The following BRINP3 variants were observed in gnomAD, a reference collection of about 807,000 sequenced individuals.
The protein encoded by BRINP3 is BMP/retinoic acid-inducible neural-specific protein 3.
Under a neutral mutation model 71.0 loss-of-function variants are expected in BRINP3, and 19 were observed. That is an observed-to-expected ratio of 0.27 (90% CI 0.19 to 0.39). BRINP3 has a LOEUF of 0.39. Among genes scored for constraint, BRINP3 ranks in the 10% least tolerant of loss-of-function variants. BRINP3 has a pLI of 1.00. For synonymous variants in BRINP3, 380 were observed against 337.7 expected, an observed-to-expected ratio of 1.13 and a Z score of -1.37; for missense variants, 959 against 940.8, an observed-to-expected ratio of 1.02 and a Z score of -0.25.
intron 2 of BRINP3, among the ~76,000 whole-genome samples, chr1:190,291,729 T>C (rs900266212): frequency 6.6e-6 from 1 of 152,126 alleles, no homozygotes; most frequent in Non-Finnish European, 1.5e-5. Context: ...AAACAGCCAT[T>C]GTGGAGAACA....
chr1:190,251,926 T>C (rs1660184140), intron 4 of BRINP3, among the ~76,000 whole-genome samples: 1 of 151,296 alleles, frequency 6.6e-6, no homozygotes, highest in South Asian at 2.1e-4. Context: ...AGTTTTTCTT[T>C]TTATTCAGAC....
At chr1:190,356,434 G>A (rs1209921162) in intron 2 of BRINP3, among the ~76,000 whole-genome samples, 1 of 151,900 alleles carries the variant, frequency 6.6e-6, no homozygotes, top group Non-Finnish European at 1.5e-5. Flanking sequence ...TATTAGAAAG[G>A]TAGATGAACA....
chr1:190,173,471 A>G (rs1307363125), intron 6 of BRINP3, among the ~76,000 whole-genome samples: 5 of 152,178 alleles, frequency 3.3e-5, no homozygotes, highest in Admixed American at 1.3e-4. Context: ...AGGGAGATAC[A>G]TTGGTCTTCA....
chr1:190,210,802 G>T (rs1182750243), intron 6 of BRINP3, among the ~76,000 whole-genome samples: 2 of 152,044 alleles, frequency 1.3e-5, no homozygotes, highest in South Asian at 4.1e-4. Flanking sequence ...CAGCGGACTG[G>T]GAGAGGCAGA....
In BRINP3 at chr1:190,454,723, G is replaced by A; in HGVS notation, c.168C>T (p.Arg56=). 1.9e-6 allele frequency: 3 copies of A among 1,614,154 alleles called. No homozygotes were observed. The South Asian group carries it at 3.3e-5, about 18-fold the overall frequency. Residue 56 remains arginine (R), a synonymous_variant, in exon 2 of 8, where the codon CGC becomes CGT. Coordinates refer to ENST00000367462, the MANE Select transcript of BRINP3 (RefSeq NM_199051.3). ...WLLSDKGPFH[R]SQEYTDFVDR... is the part of the protein sequence containing the mutation. Reference sequence around the variant, plus strand: ...CCACAAAATCTGTGTATTCCTGTGAGCGATGGAAGGGTCCCTTATCAGAGA... The same window carrying A: ...CCACAAAATCTGTGTATTCCTGTGAACGATGGAAGGGTCCCTTATCAGAGA...
chr1:190,269,443 T>C (rs1661923406), intron 3 of BRINP3, among the ~76,000 whole-genome samples: 1 of 152,066 alleles, frequency 6.6e-6, no homozygotes, highest in Admixed American at 6.6e-5. Context: ...CCAGATTTTT[T>C]CAGCACAAAA....
rs1249355525 is a variant in BRINP3 at position 190,331,957 on chromosome 1, T to C, written c.237-50207A>G. Among the ~76,000 whole-genome samples, 3 of 152,034 alleles carry C rather than the reference T, an allele frequency of 2.0e-5. No individual in the cohort carries two copies. The East Asian group carries it at 5.8e-4, about 29-fold the overall frequency. On this transcript the variant is annotated intron_variant, in intron 2 of 7. Transcript: ENST00000367462. ...ATGCATCACTAGTATTTTCTTAATA[T>C]GGTTGTTATTATTATCTTTTCGTGC...
intron 2 of BRINP3, among the ~76,000 whole-genome samples, chr1:190,430,270 G>A (rs181082672): frequency 8.2e-4 from 125 of 152,300 alleles, no homozygotes; most frequent in African/African-American, 3.0e-3. Flanking sequence ...TTGAGAGGGA[G>A]AGGGAGATAA....
At chr1:190,424,328 C>T (rs558864120) in intron 2 of BRINP3, among the ~76,000 whole-genome samples, 9 of 151,502 alleles carry the variant, frequency 5.9e-5, no homozygotes, top group Non-Finnish European at 1.3e-4. Flanking sequence ...ATAAGTATTG[C>T]CCCTTTGTTG....
intron 2 of BRINP3, among the ~76,000 whole-genome samples, chr1:190,364,932 A>AG (rs1413864449): frequency 1.3e-5 from 2 of 152,120 alleles, no homozygotes; most frequent in Non-Finnish European, 2.9e-5. Context: ...ATTTCCAAAA[A>AG]GGAATTAACT....
intron 2 of BRINP3, among the ~76,000 whole-genome samples, chr1:190,288,560 T>C (rs1280734066): frequency 6.6e-6 from 1 of 151,962 alleles, no homozygotes; most frequent in South Asian, 2.1e-4. Flanking sequence ...ACCTCGGTGA[T>C]ATAAACACAC....
intron 6 of BRINP3, among the ~76,000 whole-genome samples, chr1:190,171,818 GTCT>G (rs1282372942): frequency 6.6e-6 from 1 of 151,990 alleles, no homozygotes; most frequent in African/African-American, 2.4e-5. Context: ...TAAAAATGTT[GTCT>G]TCTTGCCACA....
chr1:190,346,670 A>G (rs2102018564), intron 2 of BRINP3, among the ~76,000 whole-genome samples: 1 of 152,120 alleles, frequency 6.6e-6, no homozygotes. Context: ...ATGCATTTAT[A>G]TTTTTCACCC....
intron 2 of BRINP3, among the ~76,000 whole-genome samples, chr1:190,421,368 T>C (rs1673373234): frequency 6.7e-6 from 1 of 150,092 alleles, no homozygotes; most frequent in Admixed American, 6.7e-5. Context: ...GATTTTTGGG[T>C]AACTCTGGGT....
chr1:190,379,536 T>G (rs1488689199), intron 2 of BRINP3, among the ~76,000 whole-genome samples: 2 of 151,952 alleles, frequency 1.3e-5, no homozygotes, highest in East Asian at 1.9e-4. Flanking sequence ...AATGAGACTA[T>G]CATGAGAAAA....
At chr1:190,359,514 T>C (rs1228110707) in intron 2 of BRINP3, among the ~76,000 whole-genome samples, 1 of 152,066 alleles carries the variant, frequency 6.6e-6, no homozygotes, top group Non-Finnish European at 1.5e-5. Flanking sequence ...TAGTCTCAAC[T>C]ACTTCAGATG....
At chr1:190,165,939 C>A (rs1178349769) in intron 6 of BRINP3, among the ~76,000 whole-genome samples, 1 of 152,060 alleles carries the variant, frequency 6.6e-6, no homozygotes, top group Non-Finnish European at 1.5e-5. Context: ...AAATTTTGAC[C>A]CTCGCTATAA....
intron 2 of BRINP3, among the ~76,000 whole-genome samples, chr1:190,370,104 G>A (rs970990639): frequency 1.3e-5 from 2 of 152,116 alleles, no homozygotes; most frequent in Non-Finnish European, 2.9e-5. Context: ...GATACTGCAA[G>A]AATGATTCTA....
At chr1:190,197,940 C>T (rs941694730) in intron 6 of BRINP3, among the ~76,000 whole-genome samples, 1 of 152,106 alleles carries the variant, frequency 6.6e-6, no homozygotes, top group African/African-American at 2.4e-5. Flanking sequence ...CATAATGGCT[C>T]CATCCCTGCA....
Sources: gnomAD v4.1 joint callset for allele counts (sites outside exome capture counted in the v4.1 genomes callset) on GRCh38, gnomAD v4.1.1 for gene constraint, MANE v1.5 for transcripts, NCBI Gene and HGNC (gene_info 2026-07-23, HGNC 2026-07-21) for gene names.